FLOT2: variants seen among roughly 807,000 people sequenced by gnomAD.
FLOT2 encodes flotillin 2, also known as flotillin-2.
A neutral mutation model predicts 54.9 loss-of-function variants in FLOT2; 35 were observed. The ratio of observed to expected loss-of-function variants is 0.64; its 90% CI spans 0.49 to 0.84. The LOEUF is 0.84. FLOT2 is among the 40% of genes least tolerant of loss of function. The probability of loss-of-function intolerance (pLI) is 0.00; values close to 1 mark genes in which losing one functional copy is unlikely to be tolerated. For synonymous variants in FLOT2, 207 were observed against 228.9 expected (o/e 0.90, Z 0.86); for missense variants, 464 against 572.1 (o/e 0.81, Z 1.93).
Position 28,881,374 on chromosome 17 carries a change from C to T in FLOT2, c.916G>A (p.Val306Met). ...GCCTGTGCCAAGAGGACCTGCTTCA[C>T]CCTGGGGGAGCCCAGGCCAGTTAGG... Reference protein sequence around the residue: ...RIQQIAEGEKVKQVLLAQAEA... With the variant: ...RIQQIAEGEKMKQVLLAQAEA... The change falls in exon 9 of 11, where the codon GTG becomes ATG. Residue 306 changes from valine (V) to methionine (M), a missense_variant and splice_region_variant. Transcript: ENST00000394908. The T allele has an allele frequency of 3.1e-6, 5 of 1,610,664 alleles. No homozygotes were observed. The highest frequency in any genetic ancestry group is 4.2e-6 in the Non-Finnish European group (5 of 1,180,010).
rs887237602 is a variant in FLOT2, at chr17:28,886,061, G to T, written c.132-1746C>A. Reference sequence around the variant, plus strand: ...ACCGATGCCTGACGCCTGGGGGCGGGGGGGGGCATGCTGTCAGTAATCCAA... The same window carrying T: ...ACCGATGCCTGACGCCTGGGGGCGGTGGGGGGCATGCTGTCAGTAATCCAA... On this transcript the variant is annotated intron_variant, in intron 2 of 10. Transcript: ENST00000394908. 1.6e-5 allele frequency: 10 copies of T among 628,844 alleles called. 1 individual carries two copies. The highest frequency in any genetic ancestry group is 1.1e-4 in the Admixed American group (5 of 47,190). The allele number at this position is 628,844 out of a possible 1,614,324, so 39.0% of individuals were successfully genotyped here.
rs1430876758 is a variant in FLOT2 at position 28,881,974 on chromosome 17, T to C, written c.754A>G (p.Ile252Val). ...ELQGAREQQK[I>V]RQEEIEIEVV... ...TCAATCTCAATCTCTTCCTGCCGGA[T>C]CTTCTGCTGTTCACGGGCCCCCTGC... The change falls in exon 8 of 11, where the codon ATC (isoleucine) becomes GTC (valine). Residue 252 changes from isoleucine to valine, a missense_variant. Physicochemically the swap from Ile to Val is conservative, Grantham distance 29. Transcript: ENST00000394908. 1.2e-6 allele frequency: 2 copies of C among 1,614,028 alleles called. No individual in the cohort carries two copies. The highest frequency in any genetic ancestry group is 2.7e-5 in the African/African-American group (2 of 74,934).
chr17:28,886,177 A>G (rs548928977), intron 2 of FLOT2, among the ~76,000 whole-genome samples: 3 of 152,294 alleles, frequency 2.0e-5, no homozygotes, highest in South Asian at 4.1e-4. Context: ...CTAGCCCCCA[A>G]ACCCTTTTAG....
At position 28,884,289 on chromosome 17, in the gene FLOT2, T is replaced by C; in HGVS notation, c.158A>G (p.Gln53Arg). Residue 53 changes from glutamine to arginine, a missense_variant, in exon 3 of 11, where the codon CAG becomes CGG. Coordinates refer to ENST00000394908, the MANE Select transcript of FLOT2 (RefSeq NM_004475.3). This position sits in a 1 kb window ranked among gnomAD's most constrained non-coding sequence, Gnocchi z 5.1. ...QRISLEIMTL[Q>R]PRCEDVETAE... ...CGTCTCTACGTCCTCGCAGCGGGGC[T>C]GCAACGTCATAATCTCTAGGGAAAT... is the stretch of plus-strand genomic sequence containing the variant. 1 of 1,612,564 alleles carries C rather than the reference T, an allele frequency of 6.2e-7. No individual in the cohort carries two copies. The highest frequency in any genetic ancestry group is 1.1e-5 in the South Asian group (1 of 90,962).
In FLOT2 at chr17:28,897,343, G is replaced by A; in HGVS notation, c.49+183C>T. On this transcript the variant is annotated intron_variant, in intron 1 of 10. Transcript: ENST00000394908. This position sits in a 1 kb window ranked among gnomAD's most constrained non-coding sequence, Gnocchi z 4.4. The stretch of plus-strand genomic sequence containing the variant: ...GGGGGAGCCCCTGGTGGGTGCCCGA[G>A]GGTGCGCAGCAAGGAAAGCGTGAGC... 1.8e-6 allele frequency: 1 copy of A among 552,588 alleles called. No homozygotes were observed. The highest frequency in any genetic ancestry group is 3.1e-6 in the Non-Finnish European group (1 of 319,628). The allele number at this position is 552,588 out of a possible 1,614,324, so 34.2% of individuals were successfully genotyped here.
chr17:28,885,943 A>G (rs1244589218), intron 2 of FLOT2: 2 of 1,548,772 alleles, frequency 1.3e-6, no homozygotes, highest in Non-Finnish European at 1.7e-6. Flanking sequence ...ACCTCCAGAG[A>G]CAGTCTGAGG....
At chr17:28,881,156 C>T in intron 9 of FLOT2, 36 bp downstream of exon 9, 1 of 1,592,066 alleles carries the variant, frequency 6.3e-7, no homozygotes, top group South Asian at 1.1e-5. Context: ...AGCAAGGACA[C>T]TTGAACCCTA....
chr17:28,891,522 C>G (rs975368318), intron 1 of FLOT2, among the ~76,000 whole-genome samples: 2 of 152,236 alleles, frequency 1.3e-5, no homozygotes, highest in African/African-American at 4.8e-5. Context: ...TACTGGCAGA[C>G]AACTTCTAGA....
chr17:28,896,880 C>T (rs2039750094), intron 1 of FLOT2, among the ~76,000 whole-genome samples: 1 of 152,202 alleles, frequency 6.6e-6, no homozygotes. Context: ...TTCCTTTTCC[C>T]CAGTACCGCA....
chr17:28,880,554 A>G lies in FLOT2; in HGVS notation c.*7T>C, dbSNP rs2039428505. ...TGGCTGCTGAAGAGAGTGGGCCTGC[A>G]GGAGCCTCACACCTGCACACCAGTG... is the stretch of plus-strand genomic sequence containing the variant. On this transcript the variant is annotated 3_prime_UTR_variant, in exon 11 of 11. Transcript: ENST00000394908. The G allele has an allele frequency of 3.7e-6, 6 of 1,613,634 alleles. No individual in the cohort carries two copies. The highest frequency in any genetic ancestry group is 5.1e-6 in the Non-Finnish European group (6 of 1,179,756).
At chr17:28,887,012 G>A (rs2039558077) in intron 2 of FLOT2, among the ~76,000 whole-genome samples, 1 of 151,880 alleles carries the variant, frequency 6.6e-6, no homozygotes, top group Non-Finnish European at 1.5e-5. Context: ...AGGGAAATAG[G>A]GGAGAGGGAG....
In FLOT2 at chr17:28,883,797, T is replaced by C. The variant is rs2039495909; in HGVS notation, c.222+428A>G. On this transcript the variant is annotated intron_variant, in intron 3 of 10. Coordinates refer to ENST00000394908, the MANE Select transcript of FLOT2 (RefSeq NM_004475.3). This position sits in a 1 kb window ranked among gnomAD's most constrained non-coding sequence, Gnocchi z 5.0. ...CCTCACCTAGGCCCTCAGCAGGGGA[T>C]ATGATGCAGCCTCCGACTCCCAGAG... 6.6e-6 allele frequency among the ~76,000 whole-genome samples: 1 copy of C among 151,892 alleles called. No homozygotes were observed. Among genetic ancestry groups the C allele is most frequent in the South Asian group, 2.1e-4 (1 of 4,816 alleles).
chr17:28,880,748 A>T lies in FLOT2; in HGVS notation c.1213T>A (p.Ser405Thr). 2 of 1,614,248 alleles carry T rather than the reference A, an allele frequency of 1.2e-6. No individual in the cohort carries two copies. Among genetic ancestry groups the T allele is most frequent in the Admixed American group, 1.7e-5 (1 of 60,030 alleles). ...VNRLLAELPA[S>T]VHALTGVDLS... ...TCCACGCCTGTGAGGGCATGCACAG[A>T]GGCAGGCAGCTCGGCCAGCAGTCGG... The change falls in exon 10 of 11, where the codon TCT (serine) becomes ACT (threonine). Residue 405 changes from serine to threonine, a missense_variant. Transcript: ENST00000394908.
Position 28,880,033 on chromosome 17 carries a change from G to C in FLOT2, c.*528C>G. ...AGGTCATGGCTGCCCAGACCTAGAG[G>C]GGCAGCAGCAGGTGAGGCTGTGGGC... On this transcript the variant is annotated 3_prime_UTR_variant, in exon 11 of 11. Transcript: ENST00000394908. 1.0e-6 allele frequency: 1 copy of C among 992,078 alleles called. No individual in the cohort carries two copies. The highest frequency in any genetic ancestry group is 1.2e-6 in the Non-Finnish European group (1 of 834,358). The allele number at this position is 992,078 out of a possible 1,614,324, so 61.5% of individuals were successfully genotyped here. A position where few individuals can be genotyped will look rare whatever the true frequency, so the allele number is the denominator to read the frequency against.
At chr17:28,895,865 C>T (rs1237692089) in intron 1 of FLOT2, among the ~76,000 whole-genome samples, 1 of 152,152 alleles carries the variant, frequency 6.6e-6, no homozygotes, top group East Asian at 1.9e-4. Context: ...TATTAGCATC[C>T]TCCTTCTGAA....
At chr17:28,890,723 C>A (rs1192699837) in intron 1 of FLOT2, among the ~76,000 whole-genome samples, 1 of 152,024 alleles carries the variant, frequency 6.6e-6, no homozygotes, top group African/African-American at 2.4e-5. Flanking sequence ...CTTGTTAATG[C>A]CAAAATTCCT....
chr17:28,891,409 A>G (rs1450957251), intron 1 of FLOT2, among the ~76,000 whole-genome samples: 2 of 152,208 alleles, frequency 1.3e-5, no homozygotes, highest in Non-Finnish European at 2.9e-5. Flanking sequence ...GACAGGGAGC[A>G]AGGTTACCCT....
At position 28,884,324 on chromosome 17, in the gene FLOT2, A is replaced by C. The variant is rs2039506262; in HGVS notation, c.132-9T>G. 1.3e-6 allele frequency: 2 copies of C among 1,594,670 alleles called. No homozygotes were observed. Among genetic ancestry groups the C allele is most frequent in the Non-Finnish European group, 1.7e-6 (2 of 1,165,892 alleles). On this transcript the variant is annotated splice_polypyrimidine_tract_variant and intron_variant, in intron 2 of 10. Transcript: ENST00000394908. The surrounding 1 kb of genome is among the most constrained non-coding windows in gnomAD (Gnocchi z 5.1). ...TAATCTCTAGGGAAATCCTGCCAAG[A>C]AACGCAAAACAGGGGCATGGGTCTG...
Position 28,880,859 on chromosome 17 carries a change from C to T in FLOT2, c.1102G>A (p.Ala368Thr). ...GTAAGTGGGGCAGCGATTTTGGCAG[C>T]AATCTAGGAGGTAAGAGTGGGAGGA... ...ALVLEALPQI[A>T]AKIAAPLTKV... is the part of the protein sequence containing the mutation. Residue 368 changes from alanine to threonine, a missense_variant, in exon 10 of 11, where the codon GCT becomes ACT. Transcript: ENST00000394908. 2 of 1,613,968 alleles carry T rather than the reference C, an allele frequency of 1.2e-6. No homozygotes were observed. Among genetic ancestry groups the T allele is most frequent in the African/African-American group, 1.3e-5 (1 of 75,040 alleles).
Sources: allele counts gnomAD v4.1 joint callset (sites outside exome capture counted in the v4.1 genomes callset), GRCh38; gene constraint gnomAD v4.1.1; non-coding constraint Gnocchi (gnomAD v3.1); transcripts MANE v1.5; gene names NCBI Gene and HGNC (gene_info 2026-07-23, HGNC 2026-07-21).